The following ATP2B2 variants were observed in gnomAD, a reference collection of about 807,000 sequenced individuals.
The protein encoded by ATP2B2 is plasma membrane calcium-transporting ATPase 2.
ATP2B2 carries 15 observed loss-of-function variants against 120.0 expected under a neutral mutation model. The ratio of observed to expected loss-of-function variants is 0.12; its 90% CI spans 0.08 to 0.19. The LOEUF (loss-of-function observed/expected upper bound fraction) is 0.19, where lower values mean the gene tolerates loss of function less well. Among genes scored for constraint, ATP2B2 ranks in the 10% least tolerant of loss-of-function variants. ATP2B2 has a pLI of 1.00. For missense variants in ATP2B2, 1,045 were observed against 1,719.8 expected (o/e 0.61, Z 6.94); for synonymous variants, 694 against 700.3 (o/e 0.99, Z 0.14).
chr3:10,376,213 C>T (rs976984732), intron 10 of ATP2B2, among the ~76,000 whole-genome samples: 3 of 152,180 alleles, frequency 2.0e-5, no homozygotes, highest in Non-Finnish European at 2.9e-5. Flanking sequence ...AACAAAAAAA[C>T]GAATACATGA....
At chr3:10,614,491 C>T (rs961640994) in intron 2 of ATP2B2, among the ~76,000 whole-genome samples, 9 of 152,288 alleles carry the variant, frequency 5.9e-5, no homozygotes, top group South Asian at 2.1e-4. Context: ...AAGCACAATG[C>T]GCCAGGTCAT....
chr3:10,390,920 C>T (rs1272608900), intron 5 of ATP2B2, among the ~76,000 whole-genome samples: 1 of 152,164 alleles, frequency 6.6e-6, no homozygotes, highest in Non-Finnish European at 1.5e-5. Flanking sequence ...ATTATAATAA[C>T]TTGCTGACAA....
Position 10,501,371 on chromosome 3 carries a change from CG to C in ATP2B2, c.-320+4093del, listed in dbSNP as rs774408748. On this transcript the variant is annotated intron_variant, in intron 1 of 22. Transcript: ENST00000360273. ...TCCATAGCATAACCCATTTTTTAAA[CG>C]GTTTTTTTTTTTTTTTGAGACAGGG... 9.4e-5 allele frequency among the ~76,000 whole-genome samples: 11 copies of C among 117,048 alleles called. 1 individual carries two copies. Among genetic ancestry groups the C allele is most frequent in the East Asian group, 2.9e-4 (1 of 3,390 alleles). 76.8% of individuals were successfully genotyped at this position (117,048 alleles called of 152,430 possible).
chr3:10,531,788 G>A (rs566075158), intron 3 of ATP2B2, among the ~76,000 whole-genome samples: 1 of 152,318 alleles, frequency 6.6e-6, no homozygotes, highest in South Asian at 2.1e-4. Context: ...CTGGCACGCA[G>A]TGGGTACTTA....
chr3:10,539,434 A>G lies in ATP2B2; in HGVS notation c.-414-5301T>C, dbSNP rs1366595923. Among the ~76,000 whole-genome samples the G allele has an allele frequency of 2.0e-5, 3 of 152,218 alleles. No individual in the cohort carries two copies. In the East Asian group the frequency reaches 5.8e-4, roughly 29 times the overall value. The stretch of plus-strand genomic sequence containing the variant: ...TTCTAAGACAATCCTAAGCAAAAAG[A>G]ACAAAGCTGGAGACATCACGCTACC... On this transcript the variant is annotated intron_variant, in intron 2 of 21. Transcript: ENST00000646379.
chr3:10,445,210 T>A (rs577185461), intron 2 of ATP2B2, among the ~76,000 whole-genome samples: 1 of 152,354 alleles, frequency 6.6e-6, no homozygotes, highest in South Asian at 2.1e-4. Context: ...CTTATCTAAT[T>A]TAATCCTCAC....
intron 1 of ATP2B2, among the ~76,000 whole-genome samples, chr3:10,644,231 C>T (rs1369443255): frequency 6.6e-6 from 1 of 152,078 alleles, no homozygotes; most frequent in East Asian, 1.9e-4. Flanking sequence ...GAGATCACAC[C>T]CACTAGAGTG....
chr3:10,558,136 C>T (rs11713790), intron 2 of ATP2B2, among the ~76,000 whole-genome samples: 2 of 152,196 alleles, frequency 1.3e-5, no homozygotes, highest in Non-Finnish European at 2.9e-5. Context: ...GCATTTACCT[C>T]CTTCTTTGGG....
At position 10,343,074 on chromosome 3, in the gene ATP2B2, C is replaced by A; in HGVS notation, c.2704-109G>T. On this transcript the variant is annotated intron_variant, in intron 18 of 22. Transcript: ENST00000360273. The surrounding 1 kb of genome is among the most constrained non-coding windows in gnomAD (Gnocchi z 4.2). ...CAGGCTCCTGCTGGAGGCTGGAGTC[C>A]GACCTGCCCCTTGGCTCCCCAGCAG... 1 of 1,150,306 alleles carries A rather than the reference C, an allele frequency of 8.7e-7. No individual in the cohort carries two copies. Among genetic ancestry groups the A allele is most frequent in the South Asian group, 1.3e-5 (1 of 74,192 alleles). 71.3% of individuals were successfully genotyped at this position (1,150,306 alleles called of 1,614,324 possible).
intron 12 of ATP2B2, among the ~76,000 whole-genome samples, chr3:10,368,452 T>A (rs1039590540): frequency 1.3e-5 from 2 of 151,652 alleles, no homozygotes; most frequent in Non-Finnish European, 2.9e-5. Context: ...CACATATTCA[T>A]CCATCCATTC....
chr3:10,570,727 C>A (rs563350545), intron 2 of ATP2B2, among the ~76,000 whole-genome samples: 1 of 152,294 alleles, frequency 6.6e-6, no homozygotes, highest in East Asian at 1.9e-4. Flanking sequence ...TCAGTCCCTG[C>A]TGGAACCCAG....
At chr3:10,697,895 T>TGC (rs1466731185) in intron 1 of ATP2B2, among the ~76,000 whole-genome samples, 3 of 152,222 alleles carry the variant, frequency 2.0e-5, no homozygotes, top group Non-Finnish European at 2.9e-5. Flanking sequence ...CCTTGCCCTG[T>TGC]GCTAGCCTTC....
chr3:10,435,290 G>A (rs576010524), intron 2 of ATP2B2, among the ~76,000 whole-genome samples: 30 of 152,216 alleles, frequency 2.0e-4, no homozygotes, highest in Middle Eastern at 3.4e-3. Flanking sequence ...GTCTTCTGCT[G>A]GCCACCAGGT....
chr3:10,341,695 C>T (rs750368914), intron 19 of ATP2B2, among the ~76,000 whole-genome samples: 112 of 152,262 alleles, frequency 7.4e-4, no homozygotes, highest in Non-Finnish European at 7.1e-4. Flanking sequence ...CCCAAGACTA[C>T]CCAGGGTAGG....
In ATP2B2 at chr3:10,688,087, ATGT is replaced by A. The variant is rs538223715; in HGVS notation, c.-460+19825_-460+19827del. Among the ~76,000 whole-genome samples, 1,050 of 152,274 alleles carry A rather than the reference ATGT, an allele frequency of 6.9e-3. 11 individuals are homozygous for A. The highest frequency in any genetic ancestry group is 0.033 in the South Asian group (160 of 4,812). ...ATGACCCCTATGAGGAAGTTATTAG[ATGT>A]TGTTTCCATTTTCCAGGTGAGAAAA... On this transcript the variant is annotated intron_variant, in intron 1 of 21. Coordinates refer to the ATP2B2 transcript ENST00000646379.
chr3:10,686,441 T>A lies in ATP2B2; in HGVS notation c.-460+21474A>T, dbSNP rs1575623619. On this transcript the variant is annotated intron_variant, in intron 1 of 21. Transcript: ENST00000646379. ...AGGCCGAGGCGGGCGGATTGCAAGG[T>A]CAGGAGATCGAGACCATCCTGGCTA... Among the ~76,000 whole-genome samples the A allele has an allele frequency of 2.0e-5, 3 of 152,180 alleles. No homozygotes were observed. The South Asian group carries it at 6.2e-4, about 32-fold the overall frequency.
intron 2 of ATP2B2, among the ~76,000 whole-genome samples, chr3:10,618,577 A>G (rs935591796): frequency 6.6e-6 from 1 of 152,182 alleles, no homozygotes; most frequent in Admixed American, 6.5e-5. Flanking sequence ...CGGAGGAGGA[A>G]GCATGCTTCG....
intron 2 of ATP2B2, among the ~76,000 whole-genome samples, chr3:10,534,338 C>T (rs2067267535): frequency 6.6e-6 from 1 of 152,232 alleles, no homozygotes; most frequent in African/African-American, 2.4e-5. Context: ...GTCCAGAGAC[C>T]ATCTCAGGAG....
chr3:10,636,406 A>G (rs1007425156), intron 1 of ATP2B2, among the ~76,000 whole-genome samples: 2 of 152,246 alleles, frequency 1.3e-5, no homozygotes, highest in African/African-American at 4.8e-5. Flanking sequence ...GGGCTCACTC[A>G]GGCCAAGGGG....
Sources: gnomAD v4.1 joint callset for allele counts (sites outside exome capture counted in the v4.1 genomes callset) on GRCh38, gnomAD v4.1.1 for gene constraint, Gnocchi (gnomAD v3.1) non-coding constraint, MANE v1.5 for transcripts, NCBI Gene and HGNC (gene_info 2026-07-23, HGNC 2026-07-21) for gene names.